NRXN3: variants seen among roughly 807,000 people sequenced by gnomAD.
NRXN3 encodes neurexin III.
NRXN3 carries 32 observed loss-of-function variants against 137.6 expected under a neutral mutation model. The ratio of observed to expected loss-of-function variants is 0.23; its 90% CI spans 0.18 to 0.31. The LOEUF is 0.31. Ranked by LOEUF, NRXN3 falls within the 10% of genes least tolerant of loss-of-function variation. NRXN3 has a pLI of 1.00. For missense variants in NRXN3, 1,574 were observed against 2,062.5 expected, an observed-to-expected ratio of 0.76 and a Z score of 4.59; for synonymous variants, 798 against 784.5, an observed-to-expected ratio of 1.02 and a Z score of -0.29.
At chr14:79,014,906 G>C (rs10138641) in intron 15 of NRXN3, among the ~76,000 whole-genome samples, 18,385 of 152,040 alleles carry the variant, frequency 0.12, 3,366 homozygotes, top group African/African-American at 0.4. Flanking sequence ...ATTTAAGTTC[G>C]CTTTTCCAGG....
At chr14:78,528,319 T>C (rs766087707) in intron 4 of NRXN3, among the ~76,000 whole-genome samples, 8 of 152,186 alleles carry the variant, frequency 5.3e-5, no homozygotes, top group Non-Finnish European at 1.2e-4. Context: ...CAACTTCCCT[T>C]CAGTGGAATT....
At chr14:79,462,618 TAC>T (rs1555462359) in intron 15 of NRXN3, among the ~76,000 whole-genome samples, 1 of 150,802 alleles carries the variant, frequency 6.6e-6, no homozygotes, top group African/African-American at 2.4e-5. Context: ...TATATATATA[TAC>T]ACACACATAC....
intron 1 of NRXN3, among the ~76,000 whole-genome samples, chr14:78,198,656 A>G (rs138354321): frequency 8.5e-4 from 130 of 152,310 alleles, no homozygotes; most frequent in African/African-American, 3.1e-3. Flanking sequence ...ATGCACAACA[A>G]TCTCTTATCC....
At chr14:79,417,706 T>G (rs536104878) in intron 15 of NRXN3, among the ~76,000 whole-genome samples, 1 of 152,246 alleles carries the variant, frequency 6.6e-6, no homozygotes, top group African/African-American at 2.4e-5. Flanking sequence ...TTGAAACTGA[T>G]GAAAATAGCT....
intron 8 of NRXN3, among the ~76,000 whole-genome samples, chr14:78,732,103 A>C (rs1473186220): frequency 6.6e-6 from 1 of 152,176 alleles, no homozygotes; most frequent in Non-Finnish European, 1.5e-5. Context: ...ACCAGAGGCT[A>C]CCCAGGGGAT....
chr14:79,166,086 T>A (rs1188162855), intron 15 of NRXN3, among the ~76,000 whole-genome samples: 8 of 152,044 alleles, frequency 5.3e-5, no homozygotes, highest in Non-Finnish European at 1.2e-4. Context: ...CAGTACTGGT[T>A]TACTCCCTTT....
At chr14:79,390,831 G>A (rs970050068) in intron 15 of NRXN3, among the ~76,000 whole-genome samples, 1 of 152,152 alleles carries the variant, frequency 6.6e-6, no homozygotes, top group African/African-American at 2.4e-5. Context: ...TTGGTGTATG[G>A]GGCCTGATAA....
chr14:78,812,154 A>T (rs2098915992), intron 10 of NRXN3, among the ~76,000 whole-genome samples: 1 of 152,108 alleles, frequency 6.6e-6, no homozygotes, highest in Non-Finnish European at 1.5e-5. Context: ...ATCATCCCCA[A>T]GATTTCTTTT....
chr14:79,064,190 G>A (rs1357389732), intron 15 of NRXN3, among the ~76,000 whole-genome samples: 1 of 152,136 alleles, frequency 6.6e-6, no homozygotes, highest in African/African-American at 2.4e-5. Flanking sequence ...GGAGACAATG[G>A]CACAGCCGTG....
intron 15 of NRXN3, among the ~76,000 whole-genome samples, chr14:79,257,538 GTGGTGGTGGTGGTGGTGGTGA>G (rs2076907379): frequency 2.0e-5 from 2 of 101,288 alleles, no homozygotes; most frequent in African/African-American, 8.0e-5. Flanking sequence ...GGTGGTGATG[GTGGTGGTGGTGGTGGTGGTGA>G]TGGTGGTGGT....
rs1381623741 is a variant in NRXN3, at chr14:78,667,142, C to A, written c.1221+15816C>A. Among the ~76,000 whole-genome samples the A allele has an allele frequency of 2.0e-5, 3 of 152,226 alleles. No individual in the cohort carries two copies. The East Asian group carries it at 5.8e-4, about 29-fold the overall frequency. ...TCTTTTCTCACTTCTGAATTCCAAGCACACTTAATATAATATAGGGTGTTT... is the reference window on the plus strand; with the variant it reads ...TCTTTTCTCACTTCTGAATTCCAAGAACACTTAATATAATATAGGGTGTTT... On this transcript the variant is annotated intron_variant, in intron 6 of 20. Coordinates refer to ENST00000335750, the MANE Select transcript of NRXN3 (RefSeq NM_001330195.2).
intron 16 of NRXN3, among the ~76,000 whole-genome samples, chr14:79,567,352 CG>C (rs1283453553): frequency 6.6e-6 from 1 of 151,822 alleles, no homozygotes; most frequent in Non-Finnish European, 1.5e-5. Context: ...AACTGACCTC[CG>C]GACACAAGAC....
intron 15 of NRXN3, among the ~76,000 whole-genome samples, chr14:79,370,748 A>G (rs1193439836): frequency 2.0e-5 from 3 of 152,110 alleles, no homozygotes; most frequent in Admixed American, 1.3e-4. Context: ...ATCTTTTTCT[A>G]ATAAACTTTC....
intron 10 of NRXN3, among the ~76,000 whole-genome samples, chr14:78,868,627 C>T (rs2099093422): frequency 6.6e-6 from 1 of 152,038 alleles, no homozygotes; most frequent in African/African-American, 2.4e-5. Context: ...TGAGACCAGC[C>T]TGACCAACAT....
At position 79,135,757 on chromosome 14, in the gene NRXN3, G is replaced by T. The variant is rs201066375; in HGVS notation, c.3262+147616G>T. Among the ~76,000 whole-genome samples, 4 of 152,256 alleles carry T rather than the reference G, an allele frequency of 2.6e-5. No homozygotes were observed. The East Asian group carries it at 7.7e-4, about 29-fold the overall frequency. ...ATAATTCAAATGATAGCTAATTATT[G>T]GGCAGGCACTCTACATAAATTATTT... is the stretch of plus-strand genomic sequence containing the variant. On this transcript the variant is annotated intron_variant, in intron 15 of 20. Transcript: ENST00000335750.
At chr14:79,450,733 G>T (rs918764006) in intron 15 of NRXN3, among the ~76,000 whole-genome samples, 2 of 151,940 alleles carry the variant, frequency 1.3e-5, no homozygotes, top group African/African-American at 2.4e-5. Flanking sequence ...GAGCATGAGG[G>T]CACATGCCTG....
intron 15 of NRXN3, among the ~76,000 whole-genome samples, chr14:79,227,989 C>T (rs567788019): frequency 6.6e-5 from 10 of 152,176 alleles, no homozygotes; most frequent in South Asian, 2.1e-4. Context: ...TTTCAACTAA[C>T]GATTTAAATA....
intron 15 of NRXN3, among the ~76,000 whole-genome samples, chr14:79,454,748 T>C (rs150080080): frequency 1.7e-3 from 264 of 152,302 alleles, no homozygotes; most frequent in Admixed American, 2.9e-3. Context: ...CTTAATTCTA[T>C]CTTAATTAAA....
chr14:79,359,986 G>A (rs891750340), intron 15 of NRXN3, among the ~76,000 whole-genome samples: 2 of 152,116 alleles, frequency 1.3e-5, no homozygotes, highest in African/African-American at 4.8e-5. Context: ...GAAAATACTT[G>A]GAAGGTGGAA....
Sources: allele counts gnomAD v4.1 joint callset (sites outside exome capture counted in the v4.1 genomes callset), GRCh38; gene constraint gnomAD v4.1.1; transcripts MANE v1.5; gene names NCBI Gene and HGNC (gene_info 2026-07-23, HGNC 2026-07-21).